RIMBP2: variants seen among roughly 807,000 people sequenced by gnomAD.
RIMBP2 encodes RIMS binding protein 2.
RIMBP2 carries 48 observed loss-of-function variants against 118.6 expected under a neutral mutation model. The observed-to-expected ratio is 0.40, with a 90% CI of 0.32 to 0.51. RIMBP2 has a LOEUF of 0.51. Among genes scored for constraint, RIMBP2 ranks in the 20% least tolerant of loss-of-function variants. The pLI, the probability that RIMBP2 is intolerant of heterozygous loss-of-function variation, is 0.41. For missense variants in RIMBP2, 1,551 were observed against 1,768.3 expected (o/e 0.88, Z 2.20); for synonymous variants, 762 against 742.9 (o/e 1.03, Z -0.42).
In RIMBP2 at chr12:130,525,613, G is replaced by A. The variant is rs2052694521; in HGVS notation, c.-216-7696C>T. Among the ~76,000 whole-genome samples, 1 of 152,152 alleles carries A rather than the reference G, an allele frequency of 6.6e-6. No homozygotes were observed. Among genetic ancestry groups the A allele is most frequent in the African/African-American group, 2.4e-5 (1 of 41,424 alleles). ...GGCTGAGGGTGGTAACGTTCATGGG[G>A]GCATTGGCAGGTGCAGATGGACACA... On this transcript the variant is annotated intron_variant, in intron 2 of 22. Coordinates refer to ENST00000690449, the MANE Select transcript of RIMBP2 (RefSeq NM_001393629.1). The surrounding 1 kb of genome is among the most constrained non-coding windows in gnomAD (Gnocchi z 4.4).
At chr12:130,454,655 G>A (rs186368657) in intron 7 of RIMBP2, among the ~76,000 whole-genome samples, 28 of 152,370 alleles carry the variant, frequency 1.8e-4, no homozygotes, top group Middle Eastern at 3.4e-3. Flanking sequence ...TCTCTGCCAG[G>A]CGGCCCTGGC....
intron 1 of RIMBP2, among the ~76,000 whole-genome samples, chr12:130,689,322 A>C (rs1435847174): frequency 1.3e-5 from 2 of 152,146 alleles, no homozygotes; most frequent in Non-Finnish European, 2.9e-5. Context: ...AATTCCAGCT[A>C]CTGGGGAGGC....
intron 1 of RIMBP2, among the ~76,000 whole-genome samples, chr12:130,712,232 A>G (rs1054687319): frequency 6.6e-6 from 1 of 152,192 alleles, no homozygotes; most frequent in African/African-American, 2.4e-5. Flanking sequence ...TCTTTCTTCC[A>G]TAACTGCCCT....
intron 2 of RIMBP2, among the ~76,000 whole-genome samples, chr12:130,626,103 T>G (rs2061603523): frequency 6.6e-6 from 1 of 152,224 alleles, no homozygotes; most frequent in Admixed American, 6.5e-5. Context: ...GATGCTGCCT[T>G]TACTCATTAA....
chr12:130,423,684 C>A (rs963932360), intron 16 of RIMBP2, among the ~76,000 whole-genome samples: 43 of 125,310 alleles, frequency 3.4e-4, no homozygotes, highest in South Asian at 2.1e-3. Flanking sequence ...AAATAGATTT[C>A]TTCAATCTTT....
chr12:130,417,090 C>G (rs1239975583), intron 17 of RIMBP2, among the ~76,000 whole-genome samples: 2 of 152,034 alleles, frequency 1.3e-5, no homozygotes, highest in East Asian at 3.9e-4. Context: ...AAAAAATAGA[C>G]GTTGGGGTGA....
intron 2 of RIMBP2, among the ~76,000 whole-genome samples, chr12:130,625,511 C>G (rs762408770): frequency 5.5e-5 from 8 of 146,496 alleles, no homozygotes; most frequent in Non-Finnish European, 1.2e-4. Flanking sequence ...TGCAGCCCAT[C>G]TCAGACTCAC....
Position 130,469,674 on chromosome 12 carries a change from T to C in RIMBP2, c.153+1019A>G, listed in dbSNP as rs943084284. ...ATGAAACCTTTTCCTGTGGGAGGAA[T>C]AGACTTTAAAAGGCAACGTAAGAGA... On this transcript the variant is annotated intron_variant, in intron 6 of 22. Coordinates refer to ENST00000690449, the MANE Select transcript of RIMBP2 (RefSeq NM_001393629.1). This position sits in a 1 kb window ranked among gnomAD's most constrained non-coding sequence, Gnocchi z 4.8. Among the ~76,000 whole-genome samples, 1 of 152,144 alleles carries C rather than the reference T, an allele frequency of 6.6e-6. No individual in the cohort carries two copies. The highest frequency in any genetic ancestry group is 1.9e-4 in the East Asian group (1 of 5,194).
rs1231772057 is a variant in RIMBP2, at chr12:130,419,174, G to T, written c.3238+3279C>A. On this transcript the variant is annotated intron_variant, in intron 17 of 22. Transcript: ENST00000690449. This position sits in a 1 kb window ranked among gnomAD's most constrained non-coding sequence, Gnocchi z 4.3. Reference sequence around the variant, plus strand: ...TTGGCTTCACTGCAGACTGGACTGGGCAGTTGGGGGTCCCTTGTCCTTGGT... The same window carrying T: ...TTGGCTTCACTGCAGACTGGACTGGTCAGTTGGGGGTCCCTTGTCCTTGGT... 2.0e-5 allele frequency among the ~76,000 whole-genome samples: 3 copies of T among 152,204 alleles called. No homozygotes were observed.
intron 21 of RIMBP2, among the ~76,000 whole-genome samples, chr12:130,404,571 G>A (rs182247200): frequency 3.9e-5 from 6 of 152,274 alleles, no homozygotes; most frequent in South Asian, 4.1e-4. Flanking sequence ...ATGAGTCACC[G>A]TGCCCGGCCG....
At chr12:130,653,657 T>G (rs2063315247) in intron 1 of RIMBP2, among the ~76,000 whole-genome samples, 1 of 152,206 alleles carries the variant, frequency 6.6e-6, no homozygotes, top group African/African-American at 2.4e-5. Context: ...AGCTTTTCTG[T>G]GGGGGCTCCA....
chr12:130,589,487 G>GGATA (rs1401358400), intron 2 of RIMBP2, among the ~76,000 whole-genome samples: 1 of 152,194 alleles, frequency 6.6e-6, no homozygotes, highest in Non-Finnish European at 1.5e-5. Flanking sequence ...CTTTGCTGGA[G>GGATA]GATAGGGTCA....
At chr12:130,454,872 C>G (rs73446507) in intron 7 of RIMBP2, among the ~76,000 whole-genome samples, 1,702 of 152,316 alleles carry the variant, frequency 0.011, 30 homozygotes, top group African/African-American at 0.039. Context: ...GAAGGGCCAG[C>G]TTGCAAGGTG....
intron 10 of RIMBP2, among the ~76,000 whole-genome samples, chr12:130,444,870 C>A (rs2078400499): frequency 6.6e-6 from 1 of 152,206 alleles, no homozygotes; most frequent in African/African-American, 2.4e-5. Flanking sequence ...GTCTGTCAGT[C>A]CCATGTGTCT....
Position 130,623,855 on chromosome 12 carries a change from A to G in RIMBP2, c.-217+4467T>C, listed in dbSNP as rs2061467148. ...CCTCAAGCAGATAATCCCACGGTGTACACCACAGTCTCCCAGAGGTTCCAC... is the reference window on the plus strand; with the variant it reads ...CCTCAAGCAGATAATCCCACGGTGTGCACCACAGTCTCCCAGAGGTTCCAC... On this transcript the variant is annotated intron_variant, in intron 2 of 22. Coordinates refer to ENST00000690449, the MANE Select transcript of RIMBP2 (RefSeq NM_001393629.1). This position sits in a 1 kb window ranked among gnomAD's most constrained non-coding sequence, Gnocchi z 4.1. Among the ~76,000 whole-genome samples, 1 of 152,198 alleles carries G rather than the reference A, an allele frequency of 6.6e-6. No homozygotes were observed. The highest frequency in any genetic ancestry group is 2.4e-5 in the African/African-American group (1 of 41,440).
chr12:130,550,355 C>T (rs2055632448), intron 2 of RIMBP2, among the ~76,000 whole-genome samples: 1 of 152,198 alleles, frequency 6.6e-6, no homozygotes, highest in Non-Finnish European at 1.5e-5. Flanking sequence ...CTCCTGAAAA[C>T]ATAAAGACAG....
At chr12:130,530,045 C>T (rs1325805962) in intron 2 of RIMBP2, among the ~76,000 whole-genome samples, 1 of 152,122 alleles carries the variant, frequency 6.6e-6, no homozygotes, top group African/African-American at 2.4e-5. Flanking sequence ...AACCTATATC[C>T]CAACAGTATG....
At chr12:130,554,605 T>C (rs890736192) in intron 2 of RIMBP2, among the ~76,000 whole-genome samples, 1 of 152,172 alleles carries the variant, frequency 6.6e-6, no homozygotes, top group Non-Finnish European at 1.5e-5. Context: ...TACTCCTAAA[T>C]GTTTATTTAA....
intron 5 of RIMBP2, chr12:130,471,907 G>A (rs1184171441): frequency 1.3e-5 from 2 of 153,488 alleles, no homozygotes; most frequent in East Asian, 1.9e-4. Flanking sequence ...GGTGACCTGG[G>A]TGGTGTGGGG....
Sources: allele counts gnomAD v4.1 joint callset (sites outside exome capture counted in the v4.1 genomes callset), GRCh38; gene constraint gnomAD v4.1.1; non-coding constraint Gnocchi (gnomAD v3.1); transcripts MANE v1.5; gene names NCBI Gene and HGNC (gene_info 2026-07-23, HGNC 2026-07-21).